Variants in VWA3B observed in about 807,000 individuals in gnomAD.
VWA3B encodes the protein von Willebrand factor A domain containing 3B.
Under a neutral mutation model 158.3 loss-of-function variants are expected in VWA3B, and 138 were observed. The ratio of observed to expected loss-of-function variants is 0.87; its 90% CI spans 0.76 to 1.00. The LOEUF (loss-of-function observed/expected upper bound fraction) is 1.00, where lower values mean the gene tolerates loss of function less well. VWA3B is among the 50% of genes least tolerant of loss of function. VWA3B has a pLI of 0.00. For synonymous variants in VWA3B, 596 were observed against 587.3 expected (o/e 1.01, Z -0.21); for missense variants, 1,555 against 1,565.1 (o/e 0.99, Z 0.11).
intron 16 of VWA3B, among the ~76,000 whole-genome samples, chr2:98,233,197 C>G (rs1042186437): frequency 1.3e-5 from 2 of 152,170 alleles, no homozygotes; most frequent in Non-Finnish European, 2.9e-5. Context: ...CACCATTTCA[C>G]TTAGATTTGG....
At chr2:98,124,153 G>T (rs1675180461) in intron 5 of VWA3B, among the ~76,000 whole-genome samples, 1 of 152,208 alleles carries the variant, frequency 6.6e-6, no homozygotes, top group Admixed American at 6.5e-5. Context: ...CCTTTTAGTG[G>T]TTCAGGCAGG....
At chr2:98,179,494 G>A (rs989247462) in intron 8 of VWA3B, among the ~76,000 whole-genome samples, 10 of 152,184 alleles carry the variant, frequency 6.6e-5, no homozygotes, top group Non-Finnish European at 1.5e-4. Flanking sequence ...TGGAAAGCCA[G>A]GCTGTGAGTC....
chr2:98,203,804 T>G (rs1682788423), intron 12 of VWA3B, among the ~76,000 whole-genome samples: 1 of 152,240 alleles, frequency 6.6e-6, no homozygotes, highest in Non-Finnish European at 1.5e-5. Flanking sequence ...TACGTACTAT[T>G]TCGCTTTTTG....
chr2:98,199,383 T>C (rs1682338871), intron 12 of VWA3B, among the ~76,000 whole-genome samples: 1 of 152,182 alleles, frequency 6.6e-6, no homozygotes, highest in African/African-American at 2.4e-5. Context: ...ATTTTACCTT[T>C]CTTGCAAACT....
chr2:98,274,868 A>T (rs1185325225), intron 22 of VWA3B, among the ~76,000 whole-genome samples: 1 of 152,230 alleles, frequency 6.6e-6, no homozygotes, highest in African/African-American at 2.4e-5. Flanking sequence ...GACATGGGTT[A>T]TGGGAAAGTA....
At chr2:98,194,226 C>G (rs539838914) in intron 11 of VWA3B, 135 bp from the exon 12 acceptor site, 2 of 753,296 alleles carry the variant, frequency 2.7e-6, no homozygotes, top group Admixed American at 5.5e-5. Flanking sequence ...AGGATATTCT[C>G]TATTGAATAT....
intron 21 of VWA3B, 24 bp downstream of exon 21, chr2:98,256,198 A>AAT: frequency 6.8e-7 from 1 of 1,481,196 alleles, no homozygotes. Context: ...TTCCCTCCTC[A>AAT]CTTTTTTTTT....
chr2:98,209,384 C>T (rs1313359962), intron 12 of VWA3B, among the ~76,000 whole-genome samples: 1 of 151,974 alleles, frequency 6.6e-6, no homozygotes, highest in Non-Finnish European at 1.5e-5. Context: ...AGGTTCATGC[C>T]ATTCTCCTGC....
At chr2:98,147,857 C>G (rs527714461) in intron 7 of VWA3B, among the ~76,000 whole-genome samples, 1 of 146,408 alleles carries the variant, frequency 6.8e-6, no homozygotes, top group African/African-American at 2.5e-5. Context: ...CCCCTCCCCC[C>G]ACCCCACGAC....
chr2:98,138,865 T>C (rs1400627123), intron 7 of VWA3B, among the ~76,000 whole-genome samples: 1 of 152,232 alleles, frequency 6.6e-6, no homozygotes, highest in Admixed American at 6.5e-5. Flanking sequence ...CCTCGCTCAC[T>C]CTCAGTGCCT....
intron 25 of VWA3B, among the ~76,000 whole-genome samples, chr2:98,301,226 C>G (rs906871073): frequency 2.7e-5 from 4 of 150,554 alleles, no homozygotes; most frequent in Non-Finnish European, 5.9e-5. Flanking sequence ...GGAGGCAGAG[C>G]TTGCAGTGAG....
intron 22 of VWA3B, among the ~76,000 whole-genome samples, chr2:98,285,138 C>G (rs12624294): frequency 0.18 from 27,554 of 152,094 alleles, 2,722 homozygotes; most frequent in Admixed American, 0.28. Context: ...CTACTACAAT[C>G]CAGTTTTAGA....
chr2:98,249,836 A>G (rs1686680916), intron 19 of VWA3B, among the ~76,000 whole-genome samples: 2 of 152,162 alleles, frequency 1.3e-5, no homozygotes, highest in African/African-American at 4.8e-5. Context: ...AAAAAAGGAT[A>G]AGAGAAATCG....
intron 6 of VWA3B, among the ~76,000 whole-genome samples, chr2:98,129,094 G>A: frequency 8.2e-6 from 1 of 122,354 alleles, no homozygotes; most frequent in Admixed American, 7.4e-5. Context: ...AGGCTGGGAA[G>A]TACTAGGTGA....
In VWA3B at chr2:98,257,817, G is replaced by A. The variant is rs138148258; in HGVS notation, c.2843+1643G>A. Reference sequence around the variant, plus strand: ...CTCCCATGCTATGGGTTATCTTTTCGTATTCTTCATAATGTCCTTGGAGGT... The same window carrying A: ...CTCCCATGCTATGGGTTATCTTTTCATATTCTTCATAATGTCCTTGGAGGT... On this transcript the variant is annotated intron_variant, in intron 21 of 27. Transcript: ENST00000477737. 5.2e-3 allele frequency among the ~76,000 whole-genome samples: 795 copies of A among 151,838 alleles called. 7 individuals are homozygous for A. Among genetic ancestry groups the A allele is most frequent in the African/African-American group, 0.018 (753 of 41,438 alleles).
intron 12 of VWA3B, chr2:98,207,783 T>C (rs751917457): frequency 7.6e-6 from 2 of 262,728 alleles, no homozygotes; most frequent in African/African-American, 2.2e-5. Context: ...GTCCCTCTCC[T>C]TCCCCTAATC....
At chr2:98,275,709 G>C (rs1688482413) in intron 22 of VWA3B, among the ~76,000 whole-genome samples, 2 of 152,232 alleles carry the variant, frequency 1.3e-5, no homozygotes, top group Admixed American at 6.5e-5. Context: ...CACTGCTAAA[G>C]TTATTATCAA....
chr2:98,324,121 C>A, the VWA3B span, among the ~76,000 whole-genome samples: 1 of 150,842 alleles, frequency 6.6e-6, no homozygotes, highest in Non-Finnish European at 1.5e-5. Context: ...GATCCAAAGA[C>A]AAGGAGCCAT....
chr2:98,164,507 CTTA>C (rs1558623430), intron 8 of VWA3B, among the ~76,000 whole-genome samples: 3 of 152,144 alleles, frequency 2.0e-5, no homozygotes, highest in African/African-American at 7.2e-5. Context: ...GAGGGAGTTT[CTTA>C]TTATCTCCAA....
Sources: gnomAD v4.1 joint callset for allele counts (sites outside exome capture counted in the v4.1 genomes callset) on GRCh38, gnomAD v4.1.1 for gene constraint, MANE v1.5 for transcripts, NCBI Gene and HGNC (gene_info 2026-07-23, HGNC 2026-07-21) for gene names.